LRRC18: variants seen among roughly 807,000 people sequenced by gnomAD.
LRRC18 encodes the protein leucine-rich repeat-containing protein 18.
In LRRC18, 12 loss-of-function variants were observed where a neutral mutation model predicts 11.2. The ratio of observed to expected loss-of-function variants is 1.07; its 90% confidence interval spans 0.69 to 1.74. LRRC18 has a LOEUF of 1.74. LRRC18 is among the 40% of genes most tolerant of loss of function. LRRC18 has a pLI of 0.00. For missense variants in LRRC18, 374 were observed against 330.5 expected, an observed-to-expected ratio of 1.13 and a Z score of -1.02; for synonymous variants, 155 against 130.6, an observed-to-expected ratio of 1.19 and a Z score of -1.27.
chr10:48,936,213 A>G, the LRRC18 span, among the ~76,000 whole-genome samples: 43 of 152,256 alleles, frequency 2.8e-4, no homozygotes, highest in South Asian at 8.9e-3. Context: ...AACAAAACAA[A>G]TCATTAAATG....
At chr10:48,913,847 G>C (rs1838244975) in exon 1 of LRRC18, 3 of 1,614,134 alleles carry the variant, frequency 1.9e-6, no homozygotes, top group Non-Finnish European at 2.5e-6. Flanking sequence ...GGTTGTTGCT[G>C]ACGTTGAGGT....
chr10:48,924,497 T>C, the LRRC18 span, among the ~76,000 whole-genome samples: 1 of 152,236 alleles, frequency 6.6e-6, no homozygotes, highest in Admixed American at 6.5e-5. Context: ...GATGGGCGAA[T>C]AGACAGACGA....
the LRRC18 span, among the ~76,000 whole-genome samples, chr10:48,928,740 C>G: frequency 6.6e-6 from 1 of 152,212 alleles, no homozygotes; most frequent in Non-Finnish European, 1.5e-5. Flanking sequence ...TGCCGCAGGA[C>G]AGCTCGCAGC....
At chr10:48,915,741 T>A (rs1838464946), upstream of LRRC18, among the ~76,000 whole-genome samples, 1 of 152,210 alleles carries the variant, frequency 6.6e-6, no homozygotes, top group Non-Finnish European at 1.5e-5. Context: ...GCGAAAGGCC[T>A]GATGGATCAC....
the LRRC18 span, among the ~76,000 whole-genome samples, chr10:48,931,422 C>G: frequency 6.6e-6 from 1 of 152,178 alleles, no homozygotes; most frequent in African/African-American, 2.4e-5. Flanking sequence ...TCCAGAGGTA[C>G]TCTATCAGAG....
At chr10:48,931,193 T>C in the LRRC18 span, among the ~76,000 whole-genome samples, 12 of 152,244 alleles carry the variant, frequency 7.9e-5, no homozygotes, top group African/African-American at 2.6e-4. Flanking sequence ...TGGAGCTAGA[T>C]TTGCCTTTGG....
chr10:48,934,978 C>G, the LRRC18 span, among the ~76,000 whole-genome samples: 1 of 152,202 alleles, frequency 6.6e-6, no homozygotes, highest in Non-Finnish European at 1.5e-5. Flanking sequence ...GACTGGGGCT[C>G]AGGCAAGCTT....
upstream of LRRC18, among the ~76,000 whole-genome samples, chr10:48,917,581 C>A (rs1022304738): frequency 1.3e-5 from 2 of 152,176 alleles, no homozygotes; most frequent in Non-Finnish European, 2.9e-5. Flanking sequence ...GCCAGAGGTG[C>A]TGGAAACATC....
chr10:48,919,642 T>A, the LRRC18 span, among the ~76,000 whole-genome samples: 2 of 152,302 alleles, frequency 1.3e-5, no homozygotes, highest in African/African-American at 2.4e-5. Flanking sequence ...TGCCGTGTCC[T>A]CACATGGTAG....
chr10:48,928,455 G>A, the LRRC18 span, among the ~76,000 whole-genome samples: 1 of 151,330 alleles, frequency 6.6e-6, no homozygotes, highest in East Asian at 2.0e-4. Flanking sequence ...CTGACCAAAT[G>A]GGGAACCTGG....
chr10:48,926,401 G>A, the LRRC18 span, among the ~76,000 whole-genome samples: 1 of 152,186 alleles, frequency 6.6e-6, no homozygotes. Context: ...GAACTGCAAT[G>A]TCACCCCCTA....
intron 1 of LRRC18, among the ~76,000 whole-genome samples, chr10:48,911,667 A>G (rs192293810): frequency 6.6e-6 from 1 of 152,366 alleles, no homozygotes; most frequent in East Asian, 1.9e-4. Context: ...TTAACTATGT[A>G]TAAAAATATA....
the LRRC18 span, among the ~76,000 whole-genome samples, chr10:48,934,973 G>A: frequency 6.6e-6 from 1 of 152,136 alleles, no homozygotes; most frequent in Non-Finnish European, 1.5e-5. Flanking sequence ...TTCCTGACTG[G>A]GGCTCAGGCA....
At chr10:48,930,109 C>G in the LRRC18 span, among the ~76,000 whole-genome samples, 1 of 152,122 alleles carries the variant, frequency 6.6e-6, no homozygotes, top group South Asian at 2.1e-4. Flanking sequence ...TTGGTCAATA[C>G]TAGTTTAATA....
chr10:48,910,096 C>A (rs1036583551), exon 2 of LRRC18: 7 of 727,748 alleles, frequency 9.6e-6, no homozygotes, highest in Non-Finnish European at 1.5e-5. Context: ...AGAAGCAAGT[C>A]GGTGGCTTGG....
At chr10:48,913,249 A>G in intron 1 of LRRC18, 143 bp downstream of exon 3, 4 of 763,496 alleles carry the variant, frequency 5.2e-6, no homozygotes, top group Non-Finnish European at 8.6e-6. Flanking sequence ...CACGCCGAGA[A>G]AGTAAGGAAA....
chr10:48,913,934 G>A, exon 1 of LRRC18: 1 of 1,614,110 alleles, frequency 6.2e-7, no homozygotes, highest in South Asian at 1.1e-5. Context: ...GCCACCGGAG[G>A]TTCTGGAACT....
At chr10:48,928,746 G>A in the LRRC18 span, among the ~76,000 whole-genome samples, 14 of 152,170 alleles carry the variant, frequency 9.2e-5, no homozygotes, top group Non-Finnish European at 1.6e-4. Context: ...AGGACAGCTC[G>A]CAGCCCTGTG....
At chr10:48,913,661 C>G (rs752215340) in exon 1 of LRRC18, 4 of 1,613,734 alleles carry the variant, frequency 2.5e-6, no homozygotes, top group Non-Finnish European at 3.4e-6. Flanking sequence ...GCTTGGGGAG[C>G]TTGGAGATGC....
Sources: gnomAD v4.1 joint callset for allele counts (sites outside exome capture counted in the v4.1 genomes callset) on GRCh38, gnomAD v4.1.1 for gene constraint, MANE v1.5 for transcripts, NCBI Gene and HGNC (gene_info 2026-07-23, HGNC 2026-07-21) for gene names.